ARL4A: variants seen among roughly 807,000 people sequenced by gnomAD.
ARL4A encodes the protein ADP-ribosylation factor-like protein 4A.
In ARL4A, 5 loss-of-function variants were observed where a neutral mutation model predicts 13.9. That is an observed-to-expected ratio of 0.36 (90% CI 0.19 to 0.75). The LOEUF is 0.75. Among genes scored for constraint, ARL4A ranks in the 30% least tolerant of loss-of-function variants. ARL4A has a pLI of 0.53. For synonymous variants in ARL4A, 77 were observed against 84.4 expected (o/e 0.91, Z 0.48); for missense variants, 147 against 225.8 (o/e 0.65, Z 2.24).
rs949087048 is a variant in ARL4A, at chr7:12,689,762, A to G, written c.*905A>G. ...GAAGGCGATTTAGTCAAGAGGATGT[A>G]ATTAAAATATGTGGTCTCTAAAATA... On this transcript the variant is annotated 3_prime_UTR_variant, in exon 2 of 2. Coordinates refer to ENST00000651779, the MANE Select transcript of ARL4A (RefSeq NM_005738.5). 6.0e-6 allele frequency: 1 copy of G among 166,882 alleles called. No homozygotes were observed. The highest frequency in any genetic ancestry group is 1.5e-5 in the Non-Finnish European group (1 of 68,102). The allele number at this position is 166,882 out of a possible 1,614,324, so 10.3% of individuals were successfully genotyped here. A position where few individuals can be genotyped will look rare whatever the true frequency, so the allele number is the denominator to read the frequency against.
chr7:12,688,148 C>G lies in ARL4A; in HGVS notation c.-89-18C>G. The G allele has an allele frequency of 6.9e-7, 1 of 1,445,926 alleles. No individual in the cohort carries two copies. Among genetic ancestry groups the G allele is most frequent in the African/African-American group, 1.4e-5 (1 of 70,442 alleles). 89.6% of individuals were successfully genotyped at this position (1,445,926 alleles called of 1,614,324 possible). On this transcript the variant is annotated intron_variant, in intron 1 of 1. Transcript: ENST00000651779. The surrounding 1 kb of genome is among the most constrained non-coding windows in gnomAD (Gnocchi z 5.2). ...TATTATTTCGGGAGAATAACTTATT[C>G]CTTCTTCCGTCTCCCAGCAGTCTTA...
rs775496244 is a variant in ARL4A, at chr7:12,688,009, CTG to C, written c.-89-149_-89-148del. Among the ~76,000 whole-genome samples, 2 of 152,272 alleles carry C rather than the reference CTG, an allele frequency of 1.3e-5. No homozygotes were observed. The highest frequency in any genetic ancestry group is 4.1e-4 in the South Asian group (2 of 4,822). The stretch of plus-strand genomic sequence containing the variant: ...CTGTTATTCCATCGTTTGTCTTGGA[CTG>C]TGTGTGTTTTCATGTACGTTTCATA... On this transcript the variant is annotated intron_variant, in intron 1 of 1. Coordinates refer to ENST00000651779, the MANE Select transcript of ARL4A (RefSeq NM_005738.5). The surrounding 1 kb of genome is among the most constrained non-coding windows in gnomAD (Gnocchi z 5.2).
chr7:12,687,967 C>G lies in ARL4A; in HGVS notation c.-89-199C>G, dbSNP rs1159605671. ...TACATATTACTGCAATTTAAGTAAA[C>G]CAGATAATTTCAATCACTGTTATTC... On this transcript the variant is annotated intron_variant, in intron 1 of 1. Transcript: ENST00000651779. The surrounding 1 kb of genome is among the most constrained non-coding windows in gnomAD (Gnocchi z 5.6). Among the ~76,000 whole-genome samples the G allele has an allele frequency of 6.6e-6, 1 of 152,140 alleles. No individual in the cohort carries two copies. Among genetic ancestry groups the G allele is most frequent in the African/African-American group, 2.4e-5 (1 of 41,412 alleles).
In ARL4A at chr7:12,689,365, CTTTT is replaced by C. The variant is rs942539511; in HGVS notation, c.*511_*514del. On this transcript the variant is annotated 3_prime_UTR_variant, in exon 2 of 2. Coordinates refer to ENST00000651779, the MANE Select transcript of ARL4A (RefSeq NM_005738.5). ...GTAAGGGACAAGGAGTAAGTATTTT[CTTTT>C]TTAAGTTTCTGCCAAATGATTTTTG... 1 of 167,430 alleles carries C rather than the reference CTTTT, an allele frequency of 6.0e-6. No individual in the cohort carries two copies. Among genetic ancestry groups the C allele is most frequent in the African/African-American group, 2.4e-5 (1 of 41,436 alleles). The allele number at this position is 167,430 out of a possible 1,614,324, so 10.4% of individuals were successfully genotyped here.
At chr7:12,687,325 G>A (rs554314641), upstream of ARL4A, 2 of 152,380 alleles carry the variant, frequency 1.3e-5, no homozygotes, top group African/African-American at 4.8e-5. This position sits in a 1 kb window ranked among gnomAD's most constrained non-coding sequence, Gnocchi z 5.6. Context: ...GCGCCGGGCC[G>A]AACGGAGCCG....
At position 12,687,934 on chromosome 7, in the gene ARL4A, GA is replaced by G. The variant is rs1784551495; in HGVS notation, c.-90+211del. Among the ~76,000 whole-genome samples the G allele has an allele frequency of 6.6e-6, 1 of 152,204 alleles. No individual in the cohort carries two copies. The highest frequency in any genetic ancestry group is 1.5e-5 in the Non-Finnish European group (1 of 68,040). On this transcript the variant is annotated intron_variant, in intron 1 of 1. Transcript: ENST00000651779. The surrounding 1 kb of genome is among the most constrained non-coding windows in gnomAD (Gnocchi z 5.6). ...GTCTTTGAGGTTTGGGGACCCAGGA[GA>G]AAAACGTACATATTACTGCAATTTA... is the stretch of plus-strand genomic sequence containing the variant.
Position 12,689,350 on chromosome 7 carries a change from A to C in ARL4A, c.*493A>C, listed in dbSNP as rs144007839. 8.5e-3 allele frequency: 1,426 copies of C among 168,030 alleles called. 30 individuals are homozygous for C. The highest frequency in any genetic ancestry group is 0.049 in the Admixed American group (761 of 15,380). 10.4% of individuals were successfully genotyped at this position (168,030 alleles called of 1,614,324 possible). A position where few individuals can be genotyped will look rare whatever the true frequency, so the allele number is the denominator to read the frequency against. On this transcript the variant is annotated 3_prime_UTR_variant, in exon 2 of 2. Transcript: ENST00000651779. ...CAGTCCTTTTTTGAAGTAAGGGACA[A>C]GGAGTAAGTATTTTCTTTTTTAAGT... is the stretch of plus-strand genomic sequence containing the variant.
Position 12,688,064 on chromosome 7 carries a change from G to C in ARL4A, c.-89-102G>C, listed in dbSNP as rs1361902024. The C allele has an allele frequency of 2.7e-6, 2 of 751,504 alleles. No individual in the cohort carries two copies. Among genetic ancestry groups the C allele is most frequent in the Non-Finnish European group, 4.1e-6 (2 of 490,948 alleles). 46.6% of individuals were successfully genotyped at this position (751,504 alleles called of 1,614,324 possible). ...TCGTCTGGTTTGTTTAGCGCAGCAAGTTATAGTAAGTTCTTCGTGTTGTTT... is the reference window on the plus strand; with the variant it reads ...TCGTCTGGTTTGTTTAGCGCAGCAACTTATAGTAAGTTCTTCGTGTTGTTT... On this transcript the variant is annotated intron_variant, in intron 1 of 1. Coordinates refer to ENST00000651779, the MANE Select transcript of ARL4A (RefSeq NM_005738.5). This position sits in a 1 kb window ranked among gnomAD's most constrained non-coding sequence, Gnocchi z 5.2.
rs909239381 is a variant in ARL4A at position 12,688,536 on chromosome 7, T to C, written c.282T>C (p.Asp94=). 3.1e-6 allele frequency: 5 copies of C among 1,611,902 alleles called. No individual in the cohort carries two copies. The African/African-American group carries it at 5.3e-5, about 17-fold the overall frequency. Reference sequence around the variant, plus strand: ...GGAAGTCATATACCAGATGCACAGATGGCATTGTATTTGTTGTGGACTCTG... The same window carrying C: ...GGAAGTCATATACCAGATGCACAGACGGCATTGTATTTGTTGTGGACTCTG... ...PLWKSYTRCT[D]GIVFVVDSVD... is the part of the protein sequence containing the mutation. The change falls in exon 2 of 2, where the codon GAT becomes GAC. Residue 94 remains aspartate (D), a synonymous_variant. Coordinates refer to ENST00000651779, the MANE Select transcript of ARL4A (RefSeq NM_005738.5). This position sits in a 1 kb window ranked among gnomAD's most constrained non-coding sequence, Gnocchi z 5.2.
Position 12,688,315 on chromosome 7 carries a change from T to C in ARL4A, c.61T>C (p.Phe21Leu). Residue 21 changes from phenylalanine to leucine, a missense_variant, in exon 2 of 2, where the codon TTC becomes CTC. Phe to Leu is a conservative substitution (Grantham distance 22). Coordinates refer to ENST00000651779, the MANE Select transcript of ARL4A (RefSeq NM_005738.5). The surrounding 1 kb of genome is among the most constrained non-coding windows in gnomAD (Gnocchi z 5.2). ...GTCCAACCTGCCTTCATTTCAGTCT[T>C]TCCACATTGTTATTCTGGGTTTGGA... is the stretch of plus-strand genomic sequence containing the variant. ...ILSNLPSFQS[F>L]HIVILGLDCA... 1 of 1,613,644 alleles carries C rather than the reference T, an allele frequency of 6.2e-7. No homozygotes were observed. The highest frequency in any genetic ancestry group is 8.5e-7 in the Non-Finnish European group (1 of 1,179,740).
At position 12,688,873 on chromosome 7, in the gene ARL4A, A is replaced by C; in HGVS notation, c.*16A>C. On this transcript the variant is annotated 3_prime_UTR_variant, in exon 2 of 2. Transcript: ENST00000651779. The surrounding 1 kb of genome is among the most constrained non-coding windows in gnomAD (Gnocchi z 5.2). Reference sequence around the variant, plus strand: ...GAAAAGATGAATATCAATACCTATTATATCTGTGTGGAGTAGGTTTTCTCT... The same window carrying C: ...GAAAAGATGAATATCAATACCTATTCTATCTGTGTGGAGTAGGTTTTCTCT... 5.7e-6 allele frequency: 9 copies of C among 1,589,130 alleles called. No individual in the cohort carries two copies. The highest frequency in any genetic ancestry group is 6.8e-6 in the Non-Finnish European group (8 of 1,168,652).
rs1040830834 is a variant in ARL4A at position 12,689,712 on chromosome 7, C to T, written c.*855C>T. The stretch of plus-strand genomic sequence containing the variant: ...GGGCATGTAAACTAATAAATATGCA[C>T]TGGATACATATATGGATTTATGAAG... On this transcript the variant is annotated 3_prime_UTR_variant, in exon 2 of 2. Transcript: ENST00000651779. 2.4e-5 allele frequency: 4 copies of T among 166,804 alleles called. No individual in the cohort carries two copies. The highest frequency in any genetic ancestry group is 4.4e-5 in the Non-Finnish European group (3 of 68,090). 10.3% of individuals were successfully genotyped at this position (166,804 alleles called of 1,614,324 possible).
In ARL4A at chr7:12,688,156, C is replaced by T. The variant is rs13232089; in HGVS notation, c.-89-10C>T. The T allele has an allele frequency of 0.026, 38,461 of 1,457,472 alleles. 625 individuals are homozygous for T. The highest frequency in any genetic ancestry group is 0.052 in the Middle Eastern group (281 of 5,454). The allele number at this position is 1,457,472 out of a possible 1,614,324, so 90.3% of individuals were successfully genotyped here. On this transcript the variant is annotated splice_polypyrimidine_tract_variant and intron_variant, in intron 1 of 1. Coordinates refer to ENST00000651779, the MANE Select transcript of ARL4A (RefSeq NM_005738.5). The surrounding 1 kb of genome is among the most constrained non-coding windows in gnomAD (Gnocchi z 5.2). ...CGGGAGAATAACTTATTCCTTCTTC[C>T]GTCTCCCAGCAGTCTTATAGCTGGA...
At position 12,690,134 on chromosome 7, in the gene ARL4A, G is replaced by C. The variant is rs1422008632; in HGVS notation, c.*1277G>C. The C allele has an allele frequency of 1.2e-5, 2 of 166,936 alleles. No individual in the cohort carries two copies. Among genetic ancestry groups the C allele is most frequent in the Admixed American group, 1.3e-4 (2 of 15,276 alleles). The allele number at this position is 166,936 out of a possible 1,614,324, so 10.3% of individuals were successfully genotyped here. ...ATTGGAATAAAAAGCTCTATAAGGA[G>C]GAAAGGCCTTTATCTAATTCTTATC... On this transcript the variant is annotated 3_prime_UTR_variant, in exon 2 of 2. Transcript: ENST00000651779.
In ARL4A at chr7:12,688,594, G is replaced by A. The variant is rs1436382457; in HGVS notation, c.340G>A (p.Glu114Lys). ...DVERMEEAKT[E>K]LHKITRISEN... ...CGAAAGGATGGAAGAAGCCAAAACT[G>A]AACTTCACAAAATAACTAGGATATC... The change falls in exon 2 of 2, where the codon GAA becomes AAA. Residue 114 changes from glutamate (E) to lysine (K), a missense_variant. Glu to Lys is a moderately conservative substitution (Grantham distance 56). Coordinates refer to ENST00000651779, the MANE Select transcript of ARL4A (RefSeq NM_005738.5). This position sits in a 1 kb window ranked among gnomAD's most constrained non-coding sequence, Gnocchi z 5.2. 6.2e-7 allele frequency: 1 copy of A among 1,612,478 alleles called. No homozygotes were observed.
upstream of ARL4A, chr7:12,687,449 AC>A (rs1324689728): frequency 1.3e-5 from 2 of 152,312 alleles, no homozygotes; most frequent in African/African-American, 4.8e-5. This position sits in a 1 kb window ranked among gnomAD's most constrained non-coding sequence, Gnocchi z 5.6. Flanking sequence ...GTGCCGGTGG[AC>A]CGAGAGAGAG....
chr7:12,688,028 C>A lies in ARL4A; in HGVS notation c.-89-138C>A. 2.0e-6 allele frequency: 1 copy of A among 496,670 alleles called. No homozygotes were observed. Among genetic ancestry groups the A allele is most frequent in the Non-Finnish European group, 3.5e-6 (1 of 289,794 alleles). 30.8% of individuals were successfully genotyped at this position (496,670 alleles called of 1,614,324 possible). On this transcript the variant is annotated intron_variant, in intron 1 of 1. Coordinates refer to ENST00000651779, the MANE Select transcript of ARL4A (RefSeq NM_005738.5). This position sits in a 1 kb window ranked among gnomAD's most constrained non-coding sequence, Gnocchi z 5.2. ...CTTGGACTGTGTGTGTTTTCATGTA[C>A]GTTTCATATCTCGTCTGGTTTGTTT...
Position 12,690,769 on chromosome 7 carries a change from C to G in ARL4A, c.*1912C>G, listed in dbSNP as rs1427882100. ...TTACCAGTTTGCCTGTACTTTCTGTCTACCTACTATGTAAAATAGTGCTGT... is the reference window on the plus strand; with the variant it reads ...TTACCAGTTTGCCTGTACTTTCTGTGTACCTACTATGTAAAATAGTGCTGT... On this transcript the variant is annotated 3_prime_UTR_variant, in exon 2 of 2. Coordinates refer to ENST00000651779, the MANE Select transcript of ARL4A (RefSeq NM_005738.5). 6.0e-6 allele frequency: 1 copy of G among 166,424 alleles called. No homozygotes were observed. 10.3% of individuals were successfully genotyped at this position (166,424 alleles called of 1,614,324 possible).
Position 12,688,913 on chromosome 7 carries a change from A to G in ARL4A, c.*56A>G. 1.3e-6 allele frequency: 2 copies of G among 1,503,528 alleles called. No individual in the cohort carries two copies. The highest frequency in any genetic ancestry group is 1.3e-5 in the South Asian group (1 of 75,110). 93.1% of individuals were successfully genotyped at this position (1,503,528 alleles called of 1,614,324 possible). A position where few individuals can be genotyped will look rare whatever the true frequency, so the allele number is the denominator to read the frequency against. ...AGGTTTTCTCTGGTCTGATTTTGAC[A>G]AATAGAAGAGTGTCTACAGCGTGGT... On this transcript the variant is annotated 3_prime_UTR_variant, in exon 2 of 2. Coordinates refer to ENST00000651779, the MANE Select transcript of ARL4A (RefSeq NM_005738.5). The surrounding 1 kb of genome is among the most constrained non-coding windows in gnomAD (Gnocchi z 5.2).
Sources: allele counts gnomAD v4.1 joint callset (sites outside exome capture counted in the v4.1 genomes callset), GRCh38; gene constraint gnomAD v4.1.1; non-coding constraint Gnocchi (gnomAD v3.1); transcripts MANE v1.5; gene names NCBI Gene and HGNC (gene_info 2026-07-23, HGNC 2026-07-21).